The following ESR1 variants were observed in gnomAD, a reference collection of about 807,000 sequenced individuals.
The protein encoded by ESR1 is estrogen receptor 1, also known as estrogen receptor.
In ESR1, 12 loss-of-function variants were observed where a neutral mutation model predicts 52.7. That is an observed-to-expected ratio of 0.23 (90% CI 0.15 to 0.37). The LOEUF is 0.37. Ranked by LOEUF, ESR1 falls within the 10% of genes least tolerant of loss-of-function variation. The probability of loss-of-function intolerance (pLI) is 1.00; values close to 1 mark genes in which losing one functional copy is unlikely to be tolerated. For synonymous variants in ESR1, 305 were observed against 316.8 expected, an observed-to-expected ratio of 0.96 and a Z score of 0.39; for missense variants, 584 against 779.7, an observed-to-expected ratio of 0.75 and a Z score of 2.99.
chr6:151,789,875 C>T (rs1787361275), intron 2 of ESR1, among the ~76,000 whole-genome samples: 1 of 152,144 alleles, frequency 6.6e-6, no homozygotes, highest in Admixed American at 6.5e-5. Context: ...TTAAAGCCAG[C>T]CTGAATTTCT....
At chr6:151,767,949 C>A (rs991522495) in intron 2 of ESR1, among the ~76,000 whole-genome samples, 1 of 152,154 alleles carries the variant, frequency 6.6e-6, no homozygotes, top group Admixed American at 6.5e-5. Context: ...TTAGTTATAT[C>A]ATTCCTCCTA....
At position 151,680,575 on chromosome 6, in the gene ESR1, A is replaced by G. The variant is rs556957311; in HGVS notation, n.74-21300A>G. Reference sequence around the variant, plus strand: ...GCTCTTTTGTTTCTTTTATGAGAGCACTAATCCCATCACAAGGCCCTGACC... The same window carrying G: ...GCTCTTTTGTTTCTTTTATGAGAGCGCTAATCCCATCACAAGGCCCTGACC... On this transcript the variant is annotated intron_variant and non_coding_transcript_variant, in intron 1 of 2. Coordinates refer to the ESR1 transcript ENST00000473497. Among the ~76,000 whole-genome samples the G allele has an allele frequency of 1.4e-4, 21 of 152,210 alleles. No individual in the cohort carries two copies. In the East Asian group the frequency reaches 2.5e-3, roughly 18 times the overall value.
chr6:152,060,979 A>G lies in ESR1; in HGVS notation c.1236-12A>G, dbSNP rs2047499650. ...TTTTATTTATTTATTTATTTTTGCTATGTTTTCATAGGAACCAGGGAAAAT... is the reference window on the plus strand; with the variant it reads ...TTTTATTTATTTATTTATTTTTGCTGTGTTTTCATAGGAACCAGGGAAAAT... On this transcript the variant is annotated splice_polypyrimidine_tract_variant and intron_variant, in intron 5 of 7. Transcript: ENST00000206249. The G allele has an allele frequency of 1.9e-6, 3 of 1,579,368 alleles. No homozygotes were observed. Among genetic ancestry groups the G allele is most frequent in the Non-Finnish European group, 2.6e-6 (3 of 1,158,456 alleles).
intron 5 of ESR1, among the ~76,000 whole-genome samples, chr6:152,022,665 G>A (rs950221585): frequency 6.6e-6 from 1 of 151,958 alleles, no homozygotes; most frequent in African/African-American, 2.4e-5. Context: ...CCAAAGGAAG[G>A]GTGTCTTTCA....
At chr6:151,763,909 T>C (rs1784844033) in intron 2 of ESR1, among the ~76,000 whole-genome samples, 1 of 152,054 alleles carries the variant, frequency 6.6e-6, no homozygotes, top group Non-Finnish European at 1.5e-5. Flanking sequence ...ACGGAAGGCC[T>C]TGGACGGGGA....
intron 3 of ESR1, among the ~76,000 whole-genome samples, chr6:151,938,378 G>GA (rs1469801093): frequency 6.6e-6 from 1 of 152,142 alleles, no homozygotes; most frequent in African/African-American, 2.4e-5. Context: ...TTTAAAGAAT[G>GA]AAAAAAACAG....
Position 151,934,590 on chromosome 6 carries a change from T to C in ESR1, c.761-9583T>C, listed in dbSNP as rs1189943625. Among the ~76,000 whole-genome samples, 4 of 152,274 alleles carry C rather than the reference T, an allele frequency of 2.6e-5. No homozygotes were observed. The East Asian group carries it at 7.7e-4, about 29-fold the overall frequency. ...CTTTAAAAAATCATGATGAAGATGA[T>C]TTTGAGAGCTAATTTTGGTAGGAGA... On this transcript the variant is annotated intron_variant, in intron 3 of 7. Transcript: ENST00000206249.
intron 1 of ESR1, among the ~76,000 whole-genome samples, chr6:151,697,205 G>A (rs1278606815): frequency 1.3e-5 from 2 of 152,134 alleles, no homozygotes; most frequent in East Asian, 1.9e-4. Context: ...TCGGAGGTGA[G>A]GGAAATAGTT....
In ESR1 at chr6:151,894,496, A is replaced by C. The variant is rs117869854; in HGVS notation, c.760+13725A>C. The stretch of plus-strand genomic sequence containing the variant: ...GTCTAGAAGGGTTTTTCTGACGTTA[A>C]CTTCTAGAATTTTATGGTTCCAGGT... On this transcript the variant is annotated intron_variant, in intron 3 of 7. Transcript: ENST00000206249. Among the ~76,000 whole-genome samples the C allele has an allele frequency of 3.0e-4, 45 of 152,032 alleles. No homozygotes were observed. The East Asian group carries it at 7.6e-3, about 26-fold the overall frequency.
At position 151,896,092 on chromosome 6, in the gene ESR1, C is replaced by A. The variant is rs192278446; in HGVS notation, c.760+15321C>A. 1.9e-3 allele frequency among the ~76,000 whole-genome samples: 297 copies of A among 152,318 alleles called. 1 individual carries two copies. Among genetic ancestry groups the A allele is most frequent in the African/African-American group, 6.7e-3 (277 of 41,562 alleles). On this transcript the variant is annotated intron_variant, in intron 3 of 7. Coordinates refer to ENST00000206249, the MANE Select transcript of ESR1 (RefSeq NM_000125.4). ...GGGATTACAGGCGTGAGCCACAGCG[C>A]CCGGCCAGATTTTTGCATCTATGTT...
chr6:152,016,298 C>G (rs1033134485), intron 5 of ESR1, among the ~76,000 whole-genome samples: 2 of 151,890 alleles, frequency 1.3e-5, no homozygotes, highest in Non-Finnish European at 2.9e-5. Context: ...CAAACTAATA[C>G]ATTAGGTATA....
At chr6:152,055,060 A>G (rs1337762772) in intron 5 of ESR1, among the ~76,000 whole-genome samples, 2 of 151,932 alleles carry the variant, frequency 1.3e-5, no homozygotes, top group African/African-American at 4.8e-5. Flanking sequence ...CATATATTCC[A>G]TATTTTATTT....
Position 152,078,430 on chromosome 6 carries a change from A to G in ESR1, c.1370-15955A>G, listed in dbSNP as rs1043495939. 3.3e-5 allele frequency among the ~76,000 whole-genome samples: 5 copies of G among 152,152 alleles called. No individual in the cohort carries two copies. In the South Asian group the frequency reaches 8.3e-4, roughly 25 times the overall value. ...AAGACCTCTCTTTGCAGTGGGTTAGATACTCTTTTATATTTTTATACTCTG... is the reference window on the plus strand; with the variant it reads ...AAGACCTCTCTTTGCAGTGGGTTAGGTACTCTTTTATATTTTTATACTCTG... On this transcript the variant is annotated intron_variant, in intron 6 of 7. Coordinates refer to ENST00000206249, the MANE Select transcript of ESR1 (RefSeq NM_000125.4).
At chr6:151,993,251 CT>C (rs2041188291) in intron 4 of ESR1, among the ~76,000 whole-genome samples, 1 of 152,114 alleles carries the variant, frequency 6.6e-6, no homozygotes, top group African/African-American at 2.4e-5. Flanking sequence ...ATCTTGAACT[CT>C]GTGGAGATAA....
chr6:152,121,818 G>T (rs1245494187), intron 6 of ESR1: 1 of 152,302 alleles, frequency 6.6e-6, no homozygotes, highest in African/African-American at 2.4e-5. Flanking sequence ...AGCCTTCCAT[G>T]ATCTTATTTA....
chr6:152,106,494 T>C (rs895147461), downstream of ESR1, among the ~76,000 whole-genome samples: 4 of 152,234 alleles, frequency 2.6e-5, no homozygotes, highest in Admixed American at 2.6e-4. Flanking sequence ...ATATATTAAT[T>C]CCACCTTCAT....
At chr6:152,081,114 A>T (rs546326337) in intron 6 of ESR1, among the ~76,000 whole-genome samples, 1 of 152,332 alleles carries the variant, frequency 6.6e-6, no homozygotes, top group African/African-American at 2.4e-5. Context: ...TCAGCTCTAG[A>T]CCAAGTGGAC....
At chr6:151,696,498 A>G (rs1309218232) in intron 1 of ESR1, among the ~76,000 whole-genome samples, 1 of 151,308 alleles carries the variant, frequency 6.6e-6, no homozygotes, top group African/African-American at 2.4e-5. Context: ...AAATAAATAA[A>G]TAAATAAATA....
intron 2 of ESR1, among the ~76,000 whole-genome samples, chr6:151,776,151 T>G (rs1204284228): frequency 6.6e-6 from 1 of 152,156 alleles, no homozygotes; most frequent in Non-Finnish European, 1.5e-5. Flanking sequence ...AGAGGGGATC[T>G]GAAAGCAGGA....
Sources: allele counts gnomAD v4.1 joint callset (sites outside exome capture counted in the v4.1 genomes callset), GRCh38; gene constraint gnomAD v4.1.1; transcripts MANE v1.5; gene names NCBI Gene and HGNC (gene_info 2026-07-23, HGNC 2026-07-21).